HMGCLL1: variants seen among roughly 807,000 people sequenced by gnomAD.
HMGCLL1 encodes 3-hydroxy-3-methylglutaryl-CoA lyase like 1.
A neutral mutation model predicts 39.1 loss-of-function variants in HMGCLL1; 36 were observed. The ratio of observed to expected loss-of-function variants is 0.92; its 90% CI spans 0.71 to 1.22. The LOEUF is 1.22. Ranked by LOEUF, HMGCLL1 falls within the 50% of genes most tolerant of loss-of-function variation. HMGCLL1 has a pLI of 0.00. For missense variants in HMGCLL1, 451 were observed against 416.5 expected (o/e 1.08, Z -0.72); for synonymous variants, 149 against 144.0 (o/e 1.03, Z -0.25).
the HMGCLL1 span, among the ~76,000 whole-genome samples, chr6:55,633,403 G>C: frequency 1.3e-5 from 2 of 151,658 alleles, no homozygotes; most frequent in Admixed American, 1.3e-4. Flanking sequence ...TAGGCAGAGA[G>C]AGAATTTCAT....
chr6:55,529,490 C>G (rs1254703945), intron 3 of HMGCLL1, among the ~76,000 whole-genome samples: 1 of 100,348 alleles, frequency 1.0e-5, no homozygotes, highest in Non-Finnish European at 2.3e-5. Context: ...TAATAAGACA[C>G]TGGCTGTGGA....
chr6:55,664,277 G>A, the HMGCLL1 span, among the ~76,000 whole-genome samples: 1 of 151,682 alleles, frequency 6.6e-6, no homozygotes, highest in Non-Finnish European at 1.5e-5. Context: ...AGTGTTCTGT[G>A]TATTTAAGTA....
chr6:55,590,157 A>G, the HMGCLL1 span, among the ~76,000 whole-genome samples: 4 of 152,180 alleles, frequency 2.6e-5, no homozygotes, highest in Admixed American at 2.0e-4. Context: ...AAACTATACT[A>G]CAAGGCTACA....
the HMGCLL1 span, among the ~76,000 whole-genome samples, chr6:55,621,096 T>A: frequency 6.6e-6 from 1 of 152,128 alleles, no homozygotes; most frequent in South Asian, 2.1e-4. Context: ...GGATGGCTTT[T>A]GCTATTCTGG....
At chr6:55,603,332 A>G in the HMGCLL1 span, among the ~76,000 whole-genome samples, 4 of 152,010 alleles carry the variant, frequency 2.6e-5, no homozygotes, top group Non-Finnish European at 4.4e-5. Context: ...ACTCTTTTGA[A>G]CTTCTATATT....
At chr6:55,457,498 A>C (rs1224538908) in intron 7 of HMGCLL1, among the ~76,000 whole-genome samples, 1 of 152,220 alleles carries the variant, frequency 6.6e-6, no homozygotes, top group Non-Finnish European at 1.5e-5. Flanking sequence ...ATTAGCCAGG[A>C]TAAGAAGTTT....
chr6:55,498,250 T>C (rs1766690790), intron 6 of HMGCLL1, among the ~76,000 whole-genome samples: 1 of 152,130 alleles, frequency 6.6e-6, no homozygotes, highest in Admixed American at 6.6e-5. Flanking sequence ...TTAAAAAATA[T>C]ATATACAATT....
intron 7 of HMGCLL1, among the ~76,000 whole-genome samples, chr6:55,474,423 A>G (rs1348299843): frequency 6.6e-6 from 1 of 151,518 alleles, no homozygotes; most frequent in Non-Finnish European, 1.5e-5. Flanking sequence ...GAGTCTATCA[A>G]CAGCATTCTT....
rs529448928 is a variant in HMGCLL1, at chr6:55,506,175, C to T, written c.543-6876G>A. On this transcript the variant is annotated intron_variant, in intron 5 of 8. Transcript: ENST00000274901. ...CCCACACTAACTACAAGCTCAGACCCGGGAAGCCAGACATAGAGACTGGTT... is the reference window on the plus strand; with the variant it reads ...CCCACACTAACTACAAGCTCAGACCTGGGAAGCCAGACATAGAGACTGGTT... Among the ~76,000 whole-genome samples the T allele has an allele frequency of 1.1e-4, 16 of 151,738 alleles. No homozygotes were observed. The East Asian group carries it at 2.1e-3, about 20-fold the overall frequency.
chr6:55,548,795 T>C lies in HMGCLL1; in HGVS notation c.109-6655A>G, dbSNP rs1038716609. 3.3e-5 allele frequency among the ~76,000 whole-genome samples: 5 copies of C among 149,796 alleles called. No homozygotes were observed. In the South Asian group the frequency reaches 1.0e-3, roughly 31 times the overall value. On this transcript the variant is annotated intron_variant, in intron 1 of 8. Transcript: ENST00000274901. ...AAGTAGATTAGAGAATATTAAGTAATAGAGAAAATGAAGAATATTAAGTTT... is the reference window on the plus strand; with the variant it reads ...AAGTAGATTAGAGAATATTAAGTAACAGAGAAAATGAAGAATATTAAGTTT...
chr6:55,599,411 AT>A, the HMGCLL1 span, among the ~76,000 whole-genome samples: 8 of 152,160 alleles, frequency 5.3e-5, no homozygotes, highest in East Asian at 1.9e-4. Context: ...GATAAATAAT[AT>A]TTTTTATGAA....
intron 7 of HMGCLL1, among the ~76,000 whole-genome samples, chr6:55,479,279 A>C (rs1370806583): frequency 6.6e-6 from 1 of 151,524 alleles, no homozygotes; most frequent in Admixed American, 6.6e-5. Flanking sequence ...GCTGAGAACA[A>C]TTTTGCCAGT....
At chr6:55,611,156 G>A in the HMGCLL1 span, among the ~76,000 whole-genome samples, 1 of 152,170 alleles carries the variant, frequency 6.6e-6, no homozygotes, top group African/African-American at 2.4e-5. Context: ...GCTTTTGAAT[G>A]ACTCCTGTGT....
intron 7 of HMGCLL1, among the ~76,000 whole-genome samples, chr6:55,476,374 T>C (rs569595575): frequency 1.4e-4 from 21 of 151,800 alleles, no homozygotes; most frequent in African/African-American, 4.6e-4. Flanking sequence ...TTGTTACTAG[T>C]ATATATAACA....
rs567852596 is a variant in HMGCLL1, at chr6:55,437,043, A to T, written c.922-1280T>A. Among the ~76,000 whole-genome samples the T allele has an allele frequency of 2.6e-5, 4 of 152,110 alleles. No individual in the cohort carries two copies. The East Asian group carries it at 5.8e-4, about 22-fold the overall frequency. On this transcript the variant is annotated intron_variant, in intron 8 of 8. Transcript: ENST00000274901. ...ACATCCAGCAAGGGTTGACAGAAAG[A>T]TTTTTGTCATTAATGTCTTTCTTCT...
At chr6:55,502,980 G>A (rs1411877223) in intron 5 of HMGCLL1, among the ~76,000 whole-genome samples, 1 of 5,956 alleles carries the variant, frequency 1.7e-4, no homozygotes, top group South Asian at 0.12. Context: ...TTCTGCTAAA[G>A]TTTTTTTCGT....
intron 7 of HMGCLL1, among the ~76,000 whole-genome samples, chr6:55,450,511 T>C (rs1206443691): frequency 6.6e-6 from 1 of 152,246 alleles, no homozygotes; most frequent in Non-Finnish European, 1.5e-5. Context: ...AGATCTTTCA[T>C]GGAATGTGCT....
intron 7 of HMGCLL1, among the ~76,000 whole-genome samples, chr6:55,462,321 C>T (rs1302090323): frequency 6.6e-6 from 1 of 151,938 alleles, no homozygotes. Context: ...TACGAAATAA[C>T]TTCCTTCCTT....
intron 5 of HMGCLL1, among the ~76,000 whole-genome samples, chr6:55,502,913 A>G (rs867348238): frequency 6.6e-6 from 1 of 151,694 alleles, no homozygotes; most frequent in Middle Eastern, 3.2e-3. Flanking sequence ...CTTTGCCTCT[A>G]TAAACATTTC....
Sources: allele counts gnomAD v4.1 joint callset (sites outside exome capture counted in the v4.1 genomes callset), GRCh38; gene constraint gnomAD v4.1.1; transcripts MANE v1.5; gene names NCBI Gene and HGNC (gene_info 2026-07-23, HGNC 2026-07-21).